PHLDB2: variants seen among roughly 807,000 people sequenced by gnomAD.
PHLDB2 encodes pleckstrin homology-like domain family B member 2.
In PHLDB2, 71 loss-of-function variants were observed where a neutral mutation model predicts 123.6. The observed-to-expected ratio is 0.57, with a 90% CI of 0.47 to 0.70. The LOEUF (loss-of-function observed/expected upper bound fraction) is 0.70. Ranked by LOEUF, PHLDB2 falls within the 30% of genes least tolerant of loss-of-function variation. The probability of loss-of-function intolerance (pLI) is 0.00; values close to 1 mark genes in which losing one functional copy is unlikely to be tolerated. For synonymous variants in PHLDB2, 547 were observed against 541.6 expected (o/e 1.01, Z -0.14); for missense variants, 1,446 against 1,519.5 (o/e 0.95, Z 0.80).
intron 1 of PHLDB2, among the ~76,000 whole-genome samples, chr3:111,882,691 G>A (rs1375054947): frequency 6.6e-6 from 1 of 152,200 alleles, no homozygotes; most frequent in African/African-American, 2.4e-5. Context: ...CAGGATTTAT[G>A]CAGCCAGACT....
intron 1 of PHLDB2, among the ~76,000 whole-genome samples, chr3:111,735,449 A>T (rs750004898): frequency 1.3e-4 from 20 of 152,310 alleles, no homozygotes; most frequent in African/African-American, 3.8e-4. Context: ...ATTCCAAAGT[A>T]GCCACAATTC....
At chr3:111,767,071 T>G (rs1382330513) in intron 1 of PHLDB2, among the ~76,000 whole-genome samples, 1 of 141,812 alleles carries the variant, frequency 7.1e-6, no homozygotes, top group African/African-American at 2.6e-5. Context: ...AAAAACAGTA[T>G]TAAAGCAAAG....
chr3:111,871,608 T>G (rs2065345141), intron 1 of PHLDB2, among the ~76,000 whole-genome samples: 1 of 152,170 alleles, frequency 6.6e-6, no homozygotes, highest in Admixed American at 6.5e-5. Context: ...GAGGCAAGAT[T>G]GTGCCACTGC....
intron 1 of PHLDB2, among the ~76,000 whole-genome samples, chr3:111,798,774 T>C (rs867632876): frequency 1.3e-5 from 2 of 152,170 alleles, no homozygotes; most frequent in Non-Finnish European, 2.9e-5. Flanking sequence ...TCCAATACAA[T>C]CAATTTCAAA....
chr3:111,854,255 C>T (rs2064386684), intron 2 of PHLDB2, among the ~76,000 whole-genome samples: 1 of 152,106 alleles, frequency 6.6e-6, no homozygotes, highest in African/African-American at 2.4e-5. Flanking sequence ...CCACCTGGTC[C>T]CACCCTTGAC....
At chr3:111,835,551 C>T (rs1247039646) in intron 1 of PHLDB2, among the ~76,000 whole-genome samples, 1 of 152,180 alleles carries the variant, frequency 6.6e-6, no homozygotes, top group Admixed American at 6.6e-5. Flanking sequence ...CTGTCGATTG[C>T]AGTGTAACAG....
intron 2 of PHLDB2, among the ~76,000 whole-genome samples, chr3:111,849,762 G>A (rs2064167602): frequency 6.6e-6 from 1 of 152,046 alleles, no homozygotes; most frequent in South Asian, 2.1e-4. Context: ...ACTAATGAGT[G>A]AATAAAGAAA....
chr3:111,790,322 T>G (rs2108185625), intron 1 of PHLDB2, among the ~76,000 whole-genome samples: 1 of 152,334 alleles, frequency 6.6e-6, no homozygotes, highest in South Asian at 2.1e-4. Flanking sequence ...GGAAGTTCAT[T>G]GTGTCTCCTT....
At chr3:111,756,216 T>A (rs2059886205) in intron 1 of PHLDB2, among the ~76,000 whole-genome samples, 2 of 151,798 alleles carry the variant, frequency 1.3e-5, no homozygotes, top group South Asian at 4.2e-4. Context: ...CCTTGTTAAC[T>A]TTCTGTCTCG....
At chr3:111,871,585 C>T (rs1290597422) in intron 1 of PHLDB2, among the ~76,000 whole-genome samples, 5 of 152,132 alleles carry the variant, frequency 3.3e-5, no homozygotes, top group Admixed American at 2.0e-4. Flanking sequence ...GCCCGGGAGG[C>T]GGAGGTTGCA....
chr3:111,859,751 T>G, intron 1 of PHLDB2, 175 bp downstream of exon 1: 1 of 983,914 alleles, frequency 1.0e-6, no homozygotes, highest in South Asian at 4.7e-5. Flanking sequence ...AGGGGCGCGC[T>G]GACTGCTCAC....
intron 1 of PHLDB2, among the ~76,000 whole-genome samples, chr3:111,766,459 A>AG (rs397877304): frequency 4.2e-4 from 64 of 151,698 alleles, no homozygotes; most frequent in Non-Finnish European, 8.3e-4. Context: ...AAAAAAAAAA[A>AG]GAATCTGATG....
At chr3:111,839,955 TTTTTTTTTTGC>T (rs2063606305) in intron 1 of PHLDB2, among the ~76,000 whole-genome samples, 1 of 142,654 alleles carries the variant, frequency 7.0e-6, no homozygotes, top group African/African-American at 2.6e-5. Flanking sequence ...TTTTTTTTTT[TTTTTTTTTTGC>T]GCCAAGTGTG....
chr3:111,768,597 A>G (rs1047759945), intron 1 of PHLDB2, among the ~76,000 whole-genome samples: 1 of 152,162 alleles, frequency 6.6e-6, no homozygotes, highest in Non-Finnish European at 1.5e-5. Context: ...CTGTATGTCC[A>G]CACATCAGCC....
chr3:111,899,814 C>T (rs1306113745), intron 2 of PHLDB2, among the ~76,000 whole-genome samples: 1 of 152,128 alleles, frequency 6.6e-6, no homozygotes, highest in Admixed American at 6.5e-5. Flanking sequence ...AATTGTGGCC[C>T]AGGCTGGTGT....
chr3:111,836,991 C>A (rs774124306), intron 1 of PHLDB2, among the ~76,000 whole-genome samples: 2 of 152,270 alleles, frequency 1.3e-5, no homozygotes, highest in Admixed American at 1.3e-4. Flanking sequence ...GACTTTGAAT[C>A]TGAGAACCTG....
intron 1 of PHLDB2, among the ~76,000 whole-genome samples, chr3:111,806,404 G>T (rs1279116065): frequency 6.6e-6 from 1 of 151,746 alleles, no homozygotes; most frequent in Non-Finnish European, 1.5e-5. Context: ...CATATAAATG[G>T]AATTTTATAT....
At chr3:111,847,284 A>G (rs991627923) in intron 2 of PHLDB2, among the ~76,000 whole-genome samples, 1 of 152,220 alleles carries the variant, frequency 6.6e-6, no homozygotes, top group Non-Finnish European at 1.5e-5. Flanking sequence ...AATATTTAAT[A>G]GTGTCTGTCA....
At chr3:111,855,768 T>C (rs1323102767), upstream of PHLDB2, among the ~76,000 whole-genome samples, 1 of 150,758 alleles carries the variant, frequency 6.6e-6, no homozygotes, top group Non-Finnish European at 1.5e-5. Flanking sequence ...TAGCTGGGAC[T>C]ACAGATGGTG....
Sources: allele counts gnomAD v4.1 joint callset (sites outside exome capture counted in the v4.1 genomes callset), GRCh38; gene constraint gnomAD v4.1.1; transcripts MANE v1.5; gene names NCBI Gene and HGNC (gene_info 2026-07-23, HGNC 2026-07-21).